Variants in MYO9B observed in about 807,000 individuals in gnomAD.
The protein encoded by MYO9B is myosin IXB.
MYO9B carries 71 observed loss-of-function variants against 229.5 expected under a neutral mutation model. The observed-to-expected ratio is 0.31, with a 90% CI of 0.26 to 0.38. MYO9B has a LOEUF of 0.38. MYO9B is among the 10% of genes least tolerant of loss of function. MYO9B has a pLI of 1.00. For missense variants in MYO9B, 2,255 were observed against 2,920.5 expected (o/e 0.77, Z 5.25); for synonymous variants, 1,185 against 1,235.8 (o/e 0.96, Z 0.86).
intron 30 of MYO9B, among the ~76,000 whole-genome samples, chr19:17,204,433 A>G (rs1324855767): frequency 6.6e-6 from 1 of 150,872 alleles, no homozygotes. Flanking sequence ...ACACCTGCTC[A>G]TGGTTCCGCT....
intron 1 of MYO9B, among the ~76,000 whole-genome samples, chr19:17,082,691 G>A (rs2057544215): frequency 6.6e-6 from 1 of 152,272 alleles, no homozygotes; most frequent in Admixed American, 6.5e-5. Context: ...GTCACGTGGA[G>A]ATGCTGTTTA....
intron 1 of MYO9B, among the ~76,000 whole-genome samples, chr19:17,092,430 C>T (rs565399299): frequency 6.6e-6 from 1 of 152,288 alleles, no homozygotes; most frequent in South Asian, 2.1e-4. Flanking sequence ...TGTGTACAAG[C>T]ATATACGTGT....
At chr19:17,205,640 C>T (rs1416998026) in intron 31 of MYO9B, among the ~76,000 whole-genome samples, 1 of 152,154 alleles carries the variant, frequency 6.6e-6, no homozygotes, top group Non-Finnish European at 1.5e-5. Flanking sequence ...GGTTGGGGTC[C>T]TGGGTGCTGG....
At chr19:17,149,222 T>TGC (rs2072450193) in intron 3 of MYO9B, among the ~76,000 whole-genome samples, 1 of 151,964 alleles carries the variant, frequency 6.6e-6, no homozygotes, top group Non-Finnish European at 1.5e-5. Context: ...AAGCGATCCT[T>TGC]CCACCTTGGC....
At chr19:17,156,112 C>T (rs1344027688) in intron 6 of MYO9B, among the ~76,000 whole-genome samples, 1 of 152,070 alleles carries the variant, frequency 6.6e-6, no homozygotes, top group Non-Finnish European at 1.5e-5. Context: ...AGTACCATCC[C>T]ATCAAGTTCA....
intron 1 of MYO9B, among the ~76,000 whole-genome samples, chr19:17,087,869 G>A (rs547051549): frequency 4.0e-4 from 60 of 151,764 alleles, no homozygotes; most frequent in African/African-American, 1.4e-3. Context: ...GGCGGAGGTT[G>A]CAGTGAGCCG....
intron 2 of MYO9B, among the ~76,000 whole-genome samples, chr19:17,118,410 T>G (rs1289032365): frequency 6.6e-6 from 1 of 152,072 alleles, no homozygotes; most frequent in East Asian, 1.9e-4. Context: ...GAGACCAGCA[T>G]GACAACATAG....
intron 14 of MYO9B, among the ~76,000 whole-genome samples, chr19:17,176,283 G>A (rs914775417): frequency 1.3e-5 from 2 of 151,982 alleles, no homozygotes; most frequent in Non-Finnish European, 2.9e-5. Flanking sequence ...TGATCCACCC[G>A]CCTCAGCCTC....
intron 2 of MYO9B, among the ~76,000 whole-genome samples, chr19:17,121,750 C>CT (rs2057967865): frequency 6.6e-6 from 1 of 152,128 alleles, no homozygotes; most frequent in South Asian, 2.1e-4. Flanking sequence ...CTATGGGAGG[C>CT]TGAGGCGGTT....
At chr19:17,078,182 A>G (rs2057503517) in intron 1 of MYO9B, among the ~76,000 whole-genome samples, 1 of 152,154 alleles carries the variant, frequency 6.6e-6, no homozygotes, top group East Asian at 1.9e-4. Flanking sequence ...GACAGAGGTG[A>G]ATCCTTATGA....
chr19:17,198,251 G>A lies in MYO9B; in HGVS notation c.4181G>A (p.Gly1394Asp). The A allele has an allele frequency of 6.2e-7, 1 of 1,613,924 alleles. No homozygotes were observed. The highest frequency in any genetic ancestry group is 8.5e-7 in the Non-Finnish European group (1 of 1,179,874). The change falls in exon 24 of 40, where the codon GGC becomes GAC. Residue 1394 changes from glycine to aspartate, a missense_variant. Gly to Asp is a moderately conservative substitution (Grantham distance 94). Around this residue, in one of 7 missense-constraint regions of MYO9B, gnomAD observed 679 missense variants for 770.2 expected, o/e 0.88. Coordinates refer to ENST00000682292, the MANE Select transcript of MYO9B (RefSeq NM_004145.4). ...KKPAVQKKKP[G>D]DASSLPDAGL... is the part of the protein sequence containing the mutation. ...CCAGCTGTCCAGAAGAAGAAGCCAG[G>A]CGACGCATCCTCCCTCCCAGACGCA...
intron 11 of MYO9B, among the ~76,000 whole-genome samples, chr19:17,169,371 CAAAAAAAAAAA>C (rs58898086): frequency 1.1e-5 from 1 of 88,936 alleles, no homozygotes; most frequent in African/African-American, 4.2e-5. Flanking sequence ...GACTCTGTCT[CAAAAAAAAAAA>C]AAAAAAAAAA....
intron 24 of MYO9B, among the ~76,000 whole-genome samples, chr19:17,199,166 G>A (rs2073078999): frequency 6.6e-6 from 1 of 152,100 alleles, no homozygotes; most frequent in Non-Finnish European, 1.5e-5. Context: ...TCATACCACT[G>A]CACTCCAGCC....
intron 2 of MYO9B, among the ~76,000 whole-genome samples, chr19:17,130,977 A>G (rs1404765285): frequency 1.3e-5 from 2 of 151,978 alleles, no homozygotes; most frequent in Non-Finnish European, 2.9e-5. Flanking sequence ...AGAGCTGATC[A>G]CCCTTGATGT....
At position 17,185,927 on chromosome 19, in the gene MYO9B, C is replaced by T; in HGVS notation, c.2503C>T (p.Leu835Phe). 6.2e-7 allele frequency: 1 copy of T among 1,613,760 alleles called. No homozygotes were observed. Among genetic ancestry groups the T allele is most frequent in the South Asian group, 1.1e-5 (1 of 91,070 alleles). The stretch of plus-strand genomic sequence containing the variant: ...TTTCTCTTTCCCTTAACAGACATCC[C>T]TTAACAAGCTCTTGGAGGCACTGGG... ...PSISAQFQTSLNKLLEALGKA... is the reference protein window; with the variant it reads ...PSISAQFQTSFNKLLEALGKA... Residue 835 changes from leucine (L) to phenylalanine (F), a missense_variant, in exon 18 of 40, where the codon CTT becomes TTT. Leu to Phe is a conservative substitution (Grantham distance 22, BLOSUM62 0). Around this residue, in one of 7 missense-constraint regions of MYO9B, gnomAD observed 68 missense variants for 133.5 expected, o/e 0.51. Coordinates refer to ENST00000682292, the MANE Select transcript of MYO9B (RefSeq NM_004145.4).
chr19:17,080,610 G>T (rs1371889038), intron 1 of MYO9B, among the ~76,000 whole-genome samples: 1 of 152,150 alleles, frequency 6.6e-6, no homozygotes, highest in East Asian at 1.9e-4. Flanking sequence ...GCACACGCCT[G>T]TAATCTCAGC....
chr19:17,187,985 C>T lies in MYO9B; in HGVS notation c.2628C>T (p.Thr876=), dbSNP rs536398824. ...DELVLQQLRY[T]GMLETVRIRR... ...TGGTCCTGCAGCAGCTGCGCTACAC[C>T]GGCATGCTGGAGACCGTGCGCATCC... Residue 876 remains threonine, a synonymous_variant, in exon 19 of 40, where the codon ACC becomes ACT. Transcript: ENST00000682292. 1.9e-5 allele frequency: 31 copies of T among 1,602,158 alleles called. No homozygotes were observed. In the East Asian group the frequency reaches 2.3e-4, roughly 12 times the overall value.
intron 2 of MYO9B, among the ~76,000 whole-genome samples, chr19:17,133,795 CTG>C (rs958552263): frequency 6.6e-6 from 1 of 151,640 alleles, no homozygotes; most frequent in African/African-American, 2.4e-5. Context: ...AGGTCTCGCT[CTG>C]TCACCCAGGC....
rs1269658064 is a variant in MYO9B at position 17,202,939 on chromosome 19, GCA to G, written c.4878+58_4878+59del. 1.9e-6 allele frequency: 3 copies of G among 1,563,322 alleles called. No individual in the cohort carries two copies. The African/African-American group carries it at 4.1e-5, about 21-fold the overall frequency. On this transcript the variant is annotated intron_variant, in intron 29 of 39. Transcript: ENST00000682292. Reference sequence around the variant, plus strand: ...AGCAGGCGAACATTGGCAGGAGCATGCACGTGTGTGTCAGTGTCAATGTGCGC... The same window carrying G: ...AGCAGGCGAACATTGGCAGGAGCATGCGTGTGTGTCAGTGTCAATGTGCGC...
Sources: gnomAD v4.1 joint callset for allele counts (sites outside exome capture counted in the v4.1 genomes callset) on GRCh38, gnomAD v4.1.1 for gene constraint, gnomAD v4.1.1 regional missense constraint, MANE v1.5 for transcripts, NCBI Gene and HGNC (gene_info 2026-07-23, HGNC 2026-07-21) for gene names.